Variants in ERCC6L2 observed in about 807,000 individuals in gnomAD.
The protein encoded by ERCC6L2 is DNA excision repair protein ERCC-6-like 2.
Under a neutral mutation model 132.0 loss-of-function variants are expected in ERCC6L2, and 77 were observed. The observed-to-expected ratio is 0.58, with a 90% CI of 0.49 to 0.71. The LOEUF (loss-of-function observed/expected upper bound fraction) is 0.71, where lower values mean the gene tolerates loss of function less well. Among genes scored for constraint, ERCC6L2 ranks in the 30% least tolerant of loss-of-function variants. The pLI is 0.00. For missense variants in ERCC6L2, 1,542 were observed against 1,837.6 expected, an observed-to-expected ratio of 0.84 and a Z score of 2.94; for synonymous variants, 583 against 632.4, an observed-to-expected ratio of 0.92 and a Z score of 1.17.
At chr9:95,958,757 T>C (rs1477375741) in intron 13 of ERCC6L2, among the ~76,000 whole-genome samples, 2 of 152,112 alleles carry the variant, frequency 1.3e-5, no homozygotes, top group Admixed American at 6.6e-5. Context: ...AGCCAAATCA[T>C]GAGTGAACTC....
At chr9:96,038,420 G>T (rs1420218533) in intron 19 of ERCC6L2, among the ~76,000 whole-genome samples, 1 of 152,234 alleles carries the variant, frequency 6.6e-6, no homozygotes, top group East Asian at 1.9e-4. Flanking sequence ...GCAGGGCAGG[G>T]AGTGGTGTCT....
chr9:95,883,719 A>G (rs1827718141), intron 2 of ERCC6L2, among the ~76,000 whole-genome samples: 2 of 152,158 alleles, frequency 1.3e-5, no homozygotes, highest in African/African-American at 2.4e-5. Context: ...TTAGCTGGGC[A>G]TGGTGGCCCA....
At chr9:95,891,403 T>C (rs1360460757) in intron 2 of ERCC6L2, among the ~76,000 whole-genome samples, 1 of 152,236 alleles carries the variant, frequency 6.6e-6, no homozygotes, top group Non-Finnish European at 1.5e-5. Context: ...TAATTCATTA[T>C]ATAAAATGAT....
chr9:96,014,926 A>G lies in ERCC6L2; in HGVS notation c.*1723A>G, dbSNP rs555287576. Among the ~76,000 whole-genome samples, 6 of 152,076 alleles carry G rather than the reference A, an allele frequency of 3.9e-5. No individual in the cohort carries two copies. The highest frequency in any genetic ancestry group is 1.4e-4 in the African/African-American group (6 of 41,450). On this transcript the variant is annotated 3_prime_UTR_variant, in exon 19 of 19. Transcript: ENST00000653738. ...TAGATACCACTTCATTTCAGTTTAT[A>G]TACAAGACAATGTAGTTCAAACATT...
intron 17 of ERCC6L2, among the ~76,000 whole-genome samples, chr9:95,984,156 C>T (rs1832997949): frequency 6.7e-6 from 1 of 149,424 alleles, no homozygotes; most frequent in Non-Finnish European, 1.5e-5. Flanking sequence ...ATCATATATA[C>T]ATATAATGTA....
chr9:95,970,407 T>G (rs1832359275), intron 14 of ERCC6L2, among the ~76,000 whole-genome samples, 169 bp from the exon 15 acceptor site: 1 of 152,204 alleles, frequency 6.6e-6, no homozygotes, highest in Admixed American at 6.6e-5. Flanking sequence ...TGTTTATATA[T>G]GAGTTTCTTA....
At chr9:95,914,003 A>G (rs545350751) in intron 4 of ERCC6L2, among the ~76,000 whole-genome samples, 8 of 152,270 alleles carry the variant, frequency 5.3e-5, no homozygotes, top group Admixed American at 1.3e-4. Flanking sequence ...TTTTTCTTGG[A>G]TAGATACCTA....
chr9:95,877,770 C>T (rs1431971961), intron 1 of ERCC6L2, among the ~76,000 whole-genome samples: 2 of 149,966 alleles, frequency 1.3e-5, no homozygotes, highest in African/African-American at 4.9e-5. Context: ...TGTGCCATGA[C>T]ACTCCAGACT....
chr9:95,895,916 C>T (rs1005023320), intron 2 of ERCC6L2, among the ~76,000 whole-genome samples: 12 of 151,930 alleles, frequency 7.9e-5, no homozygotes, highest in African/African-American at 2.2e-4. Flanking sequence ...TTAGTAGAGA[C>T]GGGGTTTCAC....
rs143850657 is a variant in ERCC6L2, at chr9:96,002,066, G to A, written c.3493-2454G>A. Among the ~76,000 whole-genome samples, 615 of 152,340 alleles carry A rather than the reference G, an allele frequency of 4.0e-3. 4 individuals are homozygous for A. Among genetic ancestry groups the A allele is most frequent in the Middle Eastern group, 0.01 (3 of 294 alleles). On this transcript the variant is annotated intron_variant, in intron 17 of 18. Transcript: ENST00000653738. ...CTGGAACTCCAGCTGGCCCACAAGC[G>A]CCACACACAGCCCCGGTTCCCGCGC...
At chr9:95,957,713 A>T (rs1440953447) in intron 13 of ERCC6L2, among the ~76,000 whole-genome samples, 1 of 152,088 alleles carries the variant, frequency 6.6e-6, no homozygotes, top group Non-Finnish European at 1.5e-5. Context: ...TAATTTAAGA[A>T]CTTTATATGA....
chr9:96,015,235 G>A lies in ERCC6L2; in HGVS notation c.*2032G>A, dbSNP rs1834160357. ...CGGAGTCTCACTCTGTCGCCAGGCT[G>A]GAGTGCAGTGGCTCGATCTTGGCTC... is the stretch of plus-strand genomic sequence containing the variant. On this transcript the variant is annotated 3_prime_UTR_variant, in exon 19 of 19. Coordinates refer to ENST00000653738, the MANE Select transcript of ERCC6L2 (RefSeq NM_020207.7). 6.7e-6 allele frequency among the ~76,000 whole-genome samples: 1 copy of A among 149,766 alleles called. No individual in the cohort carries two copies. Among genetic ancestry groups the A allele is most frequent in the African/African-American group, 2.5e-5 (1 of 40,622 alleles).
chr9:96,000,381 A>G (rs1833623604), intron 17 of ERCC6L2, among the ~76,000 whole-genome samples: 1 of 152,194 alleles, frequency 6.6e-6, no homozygotes, highest in Non-Finnish European at 1.5e-5. Flanking sequence ...TTTCAATAAA[A>G]TGAACCAGAA....
chr9:96,021,163 G>A, downstream of ERCC6L2: 2 of 361,362 alleles, frequency 5.5e-6, no homozygotes, highest in Non-Finnish European at 1.1e-5. This position sits in a 1 kb window ranked among gnomAD's most constrained non-coding sequence, Gnocchi z 4.7. Flanking sequence ...GGCTGCGTCC[G>A]GGCAGAGGCG....
chr9:95,934,940 T>A (rs1217797819), intron 11 of ERCC6L2, among the ~76,000 whole-genome samples: 1 of 152,170 alleles, frequency 6.6e-6, no homozygotes, highest in Non-Finnish European at 1.5e-5. Flanking sequence ...AGAAAGACAT[T>A]CTAAACCACT....
intron 17 of ERCC6L2, among the ~76,000 whole-genome samples, chr9:95,978,775 G>A (rs1253729965): frequency 6.6e-6 from 1 of 151,978 alleles, no homozygotes; most frequent in African/African-American, 2.4e-5. Context: ...CTTGTGTTTG[G>A]CTTATTATTC....
At chr9:96,009,529 CA>C (rs1283153803) in intron 18 of ERCC6L2, among the ~76,000 whole-genome samples, 1 of 152,164 alleles carries the variant, frequency 6.6e-6, no homozygotes, top group Non-Finnish European at 1.5e-5. Context: ...GAATTGTATC[CA>C]TGATACATAA....
At chr9:95,923,992 A>G (rs541495524) in intron 9 of ERCC6L2, among the ~76,000 whole-genome samples, 2 of 152,242 alleles carry the variant, frequency 1.3e-5, no homozygotes. Context: ...GGCCTTGGGC[A>G]TTGCCTGTGG....
At chr9:95,880,690 A>G (rs1827540594) in intron 1 of ERCC6L2, among the ~76,000 whole-genome samples, 179 bp from the exon 2 acceptor site, 1 of 152,186 alleles carries the variant, frequency 6.6e-6, no homozygotes, top group Non-Finnish European at 1.5e-5. Flanking sequence ...TCTGTTTATT[A>G]TAGGAGAATA....
Sources: gnomAD v4.1 joint callset for allele counts (sites outside exome capture counted in the v4.1 genomes callset) on GRCh38, gnomAD v4.1.1 for gene constraint, Gnocchi (gnomAD v3.1) non-coding constraint, MANE v1.5 for transcripts, NCBI Gene and HGNC (gene_info 2026-07-23, HGNC 2026-07-21) for gene names.